Variants in TBCK observed in about 807,000 individuals in gnomAD.
TBCK encodes TBC domain-containing protein kinase-like protein.
TBCK carries 99 observed loss-of-function variants against 113.4 expected under a neutral mutation model. The ratio of observed to expected loss-of-function variants is 0.87; its 90% CI spans 0.74 to 1.03. The LOEUF (loss-of-function observed/expected upper bound fraction) is 1.03, where lower values mean the gene tolerates loss of function less well. TBCK is among the 50% of genes least tolerant of loss of function. TBCK has a pLI of 0.00. For synonymous variants in TBCK, 369 were observed against 370.8 expected (o/e 1.00, Z 0.05); for missense variants, 1,045 against 1,061.3 (o/e 0.98, Z 0.21).
intron 2 of TBCK, among the ~76,000 whole-genome samples, chr4:106,303,688 T>C (rs966640958): frequency 6.6e-6 from 1 of 152,054 alleles, no homozygotes; most frequent in African/African-American, 2.4e-5. Flanking sequence ...TAACCATGAT[T>C]AGGCTTTCTT....
At chr4:106,252,112 A>C in intron 5 of TBCK, 105 bp from the exon 6 acceptor site, 1 of 879,562 alleles carries the variant, frequency 1.1e-6, no homozygotes, top group Non-Finnish European at 1.6e-6. Context: ...TCATGCAATT[A>C]AATTAACAAC....
chr4:106,069,227 T>C (rs543919122), intron 25 of TBCK, among the ~76,000 whole-genome samples: 1 of 152,370 alleles, frequency 6.6e-6, no homozygotes, highest in East Asian at 1.9e-4. Context: ...CCCATGCCTA[T>C]GTCCTGAATG....
intron 20 of TBCK, among the ~76,000 whole-genome samples, chr4:106,201,980 C>T (rs958334010): frequency 1.3e-5 from 2 of 151,986 alleles, no homozygotes; most frequent in Non-Finnish European, 2.9e-5. Context: ...AAAATCTGCA[C>T]TTTGCGACCT....
chr4:106,070,157 G>C (rs2149475098), intron 25 of TBCK, among the ~76,000 whole-genome samples: 2 of 152,200 alleles, frequency 1.3e-5, no homozygotes, highest in Middle Eastern at 6.8e-3. Flanking sequence ...GATTGCCCTG[G>C]CCAGAACTTC....
chr4:106,089,581 A>G (rs1298694682), intron 25 of TBCK, among the ~76,000 whole-genome samples: 3 of 152,186 alleles, frequency 2.0e-5, no homozygotes, highest in Non-Finnish European at 4.4e-5. Context: ...TATCATCTGG[A>G]GATGAGTCCA....
At chr4:106,309,454 G>A (rs548827668) in intron 1 of TBCK, among the ~76,000 whole-genome samples, 8 of 151,214 alleles carry the variant, frequency 5.3e-5, no homozygotes, top group African/African-American at 9.7e-5. Context: ...AGGCACCCAC[G>A]ACCACACCCA....
At chr4:106,286,591 C>T (rs529596314) in intron 3 of TBCK, among the ~76,000 whole-genome samples, 95 of 152,204 alleles carry the variant, frequency 6.2e-4, no homozygotes, top group African/African-American at 1.9e-3. Flanking sequence ...ACCTGGGAGG[C>T]TAAGGCAAGA....
intron 25 of TBCK, among the ~76,000 whole-genome samples, chr4:106,051,256 A>C (rs1316785367): frequency 6.6e-6 from 1 of 151,868 alleles, no homozygotes; most frequent in African/African-American, 2.4e-5. Flanking sequence ...GGAAACTAAG[A>C]AAGTTTGGGG....
intron 23 of TBCK, among the ~76,000 whole-genome samples, chr4:106,128,749 C>A (rs1044748153): frequency 6.6e-6 from 1 of 151,980 alleles, no homozygotes. Context: ...TAAAATAAAT[C>A]ATATTTTCTA....
chr4:106,185,976 T>C (rs1021321619), intron 22 of TBCK, among the ~76,000 whole-genome samples: 1 of 152,090 alleles, frequency 6.6e-6, no homozygotes, highest in Admixed American at 6.6e-5. Flanking sequence ...AGTGAGAACA[T>C]GTGGTATTTG....
At chr4:106,076,337 A>G (rs534878326) in intron 25 of TBCK, among the ~76,000 whole-genome samples, 1 of 152,358 alleles carries the variant, frequency 6.6e-6, no homozygotes, top group South Asian at 2.1e-4. Flanking sequence ...TATCTGCACT[A>G]TAATTGAAAG....
rs776691444 is a variant in TBCK at position 106,135,673 on chromosome 4, A to T, written c.2236-19295T>A. 2.8e-5 allele frequency among the ~76,000 whole-genome samples: 4 copies of T among 141,804 alleles called. 1 individual carries two copies. Among genetic ancestry groups the T allele is most frequent in the Non-Finnish European group, 6.4e-5 (4 of 62,466 alleles). 93.0% of individuals were successfully genotyped at this position (141,804 alleles called of 152,430 possible). A position where few individuals can be genotyped will look rare whatever the true frequency, so the allele number is the denominator to read the frequency against. On this transcript the variant is annotated intron_variant, in intron 23 of 25. Coordinates refer to ENST00000394708, the MANE Select transcript of TBCK (RefSeq NM_001163435.3). ...TATAAAAGCTCTGGAGGAGCGCAGA[A>T]AAATTTGATAAATAGTTACTGAATA... is the stretch of plus-strand genomic sequence containing the variant.
chr4:106,164,074 T>TA (rs1750098790), intron 23 of TBCK, among the ~76,000 whole-genome samples: 1 of 152,124 alleles, frequency 6.6e-6, no homozygotes, highest in Non-Finnish European at 1.5e-5. Flanking sequence ...TGATTTTCTA[T>TA]AAAATGTCTT....
chr4:106,221,572 C>CA (rs989965238), intron 19 of TBCK, among the ~76,000 whole-genome samples: 1 of 150,962 alleles, frequency 6.6e-6, no homozygotes, highest in Admixed American at 6.6e-5. Flanking sequence ...TCAGTTATTT[C>CA]AAAAAAGCTT....
intron 1 of TBCK, 63 bp from the exon 2 acceptor site, chr4:106,309,052 A>T (rs1767869081): frequency 9.2e-7 from 1 of 1,089,982 alleles, no homozygotes; most frequent in Non-Finnish European, 1.3e-6. Flanking sequence ...AATCTTAAGC[A>T]TGATTAACAT....
intron 20 of TBCK, among the ~76,000 whole-genome samples, chr4:106,206,368 A>G (rs761504597): frequency 5.9e-5 from 9 of 152,196 alleles, no homozygotes; most frequent in African/African-American, 2.2e-4. Context: ...AGCCACTTTG[A>G]TTTCTAAAAT....
rs147971127 is a variant in TBCK at position 106,109,256 on chromosome 4, C to T, written c.2411+6947G>A. ...CCTATCAAACTACCAGTGACATTAA[C>T]AGAACAAGAAAAAACTATTTTAAAA... is the stretch of plus-strand genomic sequence containing the variant. On this transcript the variant is annotated intron_variant, in intron 24 of 25. Coordinates refer to ENST00000394708, the MANE Select transcript of TBCK (RefSeq NM_001163435.3). Among the ~76,000 whole-genome samples, 200 of 152,068 alleles carry T rather than the reference C, an allele frequency of 1.3e-3. 1 individual carries two copies. The highest frequency in any genetic ancestry group is 4.7e-3 in the African/African-American group (196 of 41,462).
chr4:106,315,770 T>C (rs535364062), intron 1 of TBCK, 161 bp downstream of exon 1: 1 of 152,444 alleles, frequency 6.6e-6, no homozygotes, highest in African/African-American at 2.4e-5. Flanking sequence ...AGGCGGGCTG[T>C]AGCTAGGGAT....
At chr4:106,262,063 A>C in intron 4 of TBCK, 35 bp downstream of exon 4, 1 of 1,266,996 alleles carries the variant, frequency 7.9e-7, no homozygotes, top group South Asian at 1.4e-5. Flanking sequence ...ATTTCAAATG[A>C]TATATAAATA....
Sources: allele counts gnomAD v4.1 joint callset (sites outside exome capture counted in the v4.1 genomes callset), GRCh38; gene constraint gnomAD v4.1.1; transcripts MANE v1.5; gene names NCBI Gene and HGNC (gene_info 2026-07-23, HGNC 2026-07-21).